COL10A1: variants seen among roughly 807,000 people sequenced by gnomAD.
COL10A1 encodes collagen alpha-1(X) chain.
A neutral mutation model predicts 18.2 loss-of-function variants in COL10A1; 10 were observed. That is an observed-to-expected ratio of 0.55 (90% CI 0.34 to 0.93). COL10A1 has a LOEUF of 0.93. COL10A1 is among the 40% of genes least tolerant of loss of function. COL10A1 has a pLI of 0.02. For missense variants in COL10A1, 897 were observed against 853.5 expected (o/e 1.05, Z -0.64); for synonymous variants, 330 against 316.6 (o/e 1.04, Z -0.45).
chr6:116,121,163 C>T lies in COL10A1; in HGVS notation c.953G>A (p.Gly318Asp), dbSNP rs1779109852. 6.2e-7 allele frequency: 1 copy of T among 1,613,086 alleles called. No individual in the cohort carries two copies. The highest frequency in any genetic ancestry group is 1.3e-5 in the African/African-American group (1 of 74,966). The change falls in exon 3 of 3, where the codon GGT (glycine) becomes GAT (aspartate). Residue 318 changes from glycine (G) to aspartate (D), a missense_variant. By Grantham distance (94) the Gly-to-Asp change is moderately conservative. Transcript: ENST00000651968. ...CCCTTGTTCCCCTTTGGCACCTGGA[C>T]CCCCAGGAAGGCCAGCAGGTCCTCT... ...GERGPAGLPGGPGAKGEQGPA... is the reference protein window; with the variant it reads ...GERGPAGLPGDPGAKGEQGPA...
At chr6:116,198,783 G>A in the COL10A1 span, among the ~76,000 whole-genome samples, 48 of 152,036 alleles carry the variant, frequency 3.2e-4, no homozygotes, top group South Asian at 8.3e-4. Flanking sequence ...TGATTTGAGA[G>A]CCATGTTTCT....
chr6:116,198,539 G>A, the COL10A1 span, among the ~76,000 whole-genome samples: 25 of 151,958 alleles, frequency 1.6e-4, no homozygotes, highest in South Asian at 5.0e-3. Context: ...AGACTAGCCT[G>A]GACAGCATAA....
At chr6:116,141,885 A>AACACACAC (rs3051942) in intron 1 of COL10A1, among the ~76,000 whole-genome samples, 2,547 of 140,374 alleles carry the variant, frequency 0.018, 70 homozygotes, top group African/African-American at 0.062. Context: ...CCAAAAAGAA[A>AACACACAC]ACACACACAC....
At chr6:116,130,782 C>A (rs1779439233), upstream of COL10A1, among the ~76,000 whole-genome samples, 1 of 152,006 alleles carries the variant, frequency 6.6e-6, no homozygotes, top group African/African-American at 2.4e-5. Flanking sequence ...GCTAAAAACC[C>A]TAGTACTCAT....
upstream of COL10A1, among the ~76,000 whole-genome samples, chr6:116,159,217 A>G (rs2114421447): frequency 6.6e-6 from 1 of 152,038 alleles, no homozygotes; most frequent in East Asian, 1.9e-4. Flanking sequence ...TGGTAGTTTT[A>G]TGGATTTTTA....
chr6:116,166,470 C>G, the COL10A1 span, among the ~76,000 whole-genome samples: 1 of 152,172 alleles, frequency 6.6e-6, no homozygotes, highest in South Asian at 2.1e-4. Flanking sequence ...ATTTTGTCTT[C>G]TGTAAATGGT....
intron 1 of COL10A1, among the ~76,000 whole-genome samples, chr6:116,132,929 G>A (rs563305425): frequency 1.3e-5 from 2 of 152,254 alleles, no homozygotes; most frequent in Non-Finnish European, 2.9e-5. Context: ...ATCTATTTGT[G>A]TAAATAGTCT....
chr6:116,137,790 T>C (rs1008037834), intron 1 of COL10A1, among the ~76,000 whole-genome samples: 4 of 152,142 alleles, frequency 2.6e-5, no homozygotes, highest in African/African-American at 9.7e-5. Context: ...TATTAGAAAA[T>C]GCCCAGCTTG....
At chr6:116,123,611 A>G (rs1779202677) in intron 2 of COL10A1, among the ~76,000 whole-genome samples, 1 of 152,238 alleles carries the variant, frequency 6.6e-6, no homozygotes, top group African/African-American at 2.4e-5. Flanking sequence ...GAATTATGTA[A>G]TAACTCTTTG....
At chr6:116,165,210 G>A in the COL10A1 span, among the ~76,000 whole-genome samples, 1 of 151,898 alleles carries the variant, frequency 6.6e-6, no homozygotes, top group Non-Finnish European at 1.5e-5. Context: ...TCTGCTGTTA[G>A]TCTGATAGGA....
the COL10A1 span, among the ~76,000 whole-genome samples, chr6:116,169,760 G>A: frequency 6.6e-6 from 1 of 152,110 alleles, no homozygotes; most frequent in East Asian, 1.9e-4. Flanking sequence ...GTGGACAATT[G>A]GACAGACATT....
At chr6:116,187,390 G>A in the COL10A1 span, among the ~76,000 whole-genome samples, 1 of 152,026 alleles carries the variant, frequency 6.6e-6, no homozygotes, top group South Asian at 2.1e-4. Context: ...AAATGAAAAG[G>A]GCCATGAAGA....
At chr6:116,128,025 C>A (rs1044477330), upstream of COL10A1, among the ~76,000 whole-genome samples, 3 of 152,064 alleles carry the variant, frequency 2.0e-5, no homozygotes, top group African/African-American at 7.2e-5. Flanking sequence ...TTGAGGTATT[C>A]TGCTGTTCTC....
At chr6:116,187,240 A>T in the COL10A1 span, among the ~76,000 whole-genome samples, 1 of 152,102 alleles carries the variant, frequency 6.6e-6, no homozygotes, top group Non-Finnish European at 1.5e-5. Flanking sequence ...AGCTGTGGCT[A>T]CCAGCACCTG....
At chr6:116,162,773 A>T (rs908104287), upstream of COL10A1, among the ~76,000 whole-genome samples, 14 of 152,152 alleles carry the variant, frequency 9.2e-5, no homozygotes, top group African/African-American at 3.4e-4. Context: ...TGTTATTAGC[A>T]TGATACTAGT....
At chr6:116,122,500 T>G (rs1329040907) in intron 2 of COL10A1, among the ~76,000 whole-genome samples, 1 of 152,226 alleles carries the variant, frequency 6.6e-6, no homozygotes, top group African/African-American at 2.4e-5. Flanking sequence ...CTCTCCATTA[T>G]TGACTTAAAA....
chr6:116,149,229 A>G (rs1779972842), intron 1 of COL10A1, among the ~76,000 whole-genome samples: 1 of 152,208 alleles, frequency 6.6e-6, no homozygotes, highest in Non-Finnish European at 1.5e-5. Context: ...GACACAATTT[A>G]AGTTACTAGG....
At chr6:116,159,245 T>G (rs7741037), upstream of COL10A1, among the ~76,000 whole-genome samples, 1 of 152,190 alleles carries the variant, frequency 6.6e-6, no homozygotes, top group Non-Finnish European at 1.5e-5. Context: ...TTACTCCTTT[T>G]AAAAATTGAT....
chr6:116,120,209 G>A lies in COL10A1; in HGVS notation c.1907C>T (p.Ala636Val). ...DEYTKGYLDQ[A>V]SGSAIIDLTE... ...GAGATCGATGATGGCACTCCCTGAA[G>A]CCTGATCCAGGTAGCCTTTGGTGTA... Residue 636 changes from alanine to valine, a missense_variant, in exon 3 of 3, where the codon GCT (alanine) becomes GTT (valine). Transcript: ENST00000651968. The A allele has an allele frequency of 1.2e-6, 2 of 1,614,170 alleles. No homozygotes were observed. The highest frequency in any genetic ancestry group is 1.7e-6 in the Non-Finnish European group (2 of 1,180,030).
Sources: gnomAD v4.1 joint callset for allele counts (sites outside exome capture counted in the v4.1 genomes callset) on GRCh38, gnomAD v4.1.1 for gene constraint, MANE v1.5 for transcripts, NCBI Gene and HGNC (gene_info 2026-07-23, HGNC 2026-07-21) for gene names.